HSPG2: variants seen among roughly 807,000 people sequenced by gnomAD.
HSPG2 encodes the protein basement membrane-specific heparan sulfate proteoglycan core protein.
A neutral mutation model predicts 526.6 loss-of-function variants in HSPG2; 278 were observed. That is an observed-to-expected ratio of 0.53 (90% CI 0.48 to 0.58). HSPG2 has a LOEUF of 0.58. HSPG2 is among the 20% of genes least tolerant of loss of function. The pLI is 0.00. For missense variants in HSPG2, 5,354 were observed against 6,099.5 expected, an observed-to-expected ratio of 0.88 and a Z score of 4.07; for synonymous variants, 2,465 against 2,555.4, an observed-to-expected ratio of 0.96 and a Z score of 1.07.
At chr1:21,840,976 T>C in intron 71 of HSPG2, 125 bp downstream of exon 71, 1 of 819,386 alleles carries the variant, frequency 1.2e-6, no homozygotes, top group Non-Finnish European at 2.0e-6. Context: ...TCCCATCCCA[T>C]TCCTCCCTTC....
chr1:21,934,150 A>C (rs1056182748), intron 1 of HSPG2, among the ~76,000 whole-genome samples: 4 of 152,212 alleles, frequency 2.6e-5, no homozygotes, highest in African/African-American at 9.6e-5. Flanking sequence ...ACTTAATCAC[A>C]GATCAGCTTC....
chr1:21,835,753 G>A (rs1487055568), intron 75 of HSPG2, 116 bp from the exon 76 acceptor site: 1 of 728,668 alleles, frequency 1.4e-6, no homozygotes, highest in Non-Finnish European at 2.4e-6. Flanking sequence ...GGAGGCTGAG[G>A]CAGGCGCATC....
Position 21,856,984 on chromosome 1 carries a change from G to T in HSPG2, c.5575+31C>A, listed in dbSNP as rs12757277. On this transcript the variant is annotated intron_variant, in intron 44 of 96. Transcript: ENST00000374695. Reference sequence around the variant, plus strand: ...TGGTGGGAATGGGGGAGAGACAGGAGGGGAGAATCAGGTATAGATGGGAGG... The same window carrying T: ...TGGTGGGAATGGGGGAGAGACAGGATGGGAGAATCAGGTATAGATGGGAGG... 0.059 allele frequency: 94,912 copies of T among 1,606,056 alleles called. 3,229 individuals are homozygous for T. Among genetic ancestry groups the T allele is most frequent in the South Asian group, 0.11 (9,970 of 90,892 alleles).
At position 21,855,957 on chromosome 1, in the gene HSPG2, C is replaced by T. The variant is rs567282533; in HGVS notation, c.5576-45G>A. On this transcript the variant is annotated intron_variant, in intron 44 of 96. Transcript: ENST00000374695. ...AACATGCACTCAGGGTGGGGAGTGT[C>T]GTCTGACTCACACAACAGTCCTGCT... The T allele has an allele frequency of 1.2e-5, 19 of 1,598,884 alleles. No individual in the cohort carries two copies. In the Admixed American group the frequency reaches 1.3e-4, roughly 11 times the overall value.
rs747853683 is a variant in HSPG2 at position 21,885,152 on chromosome 1, G to A, written c.1216C>T (p.Pro406Ser). Residue 406 changes from proline to serine, a missense_variant, in exon 11 of 97, where the codon CCC becomes TCC. By Grantham distance (74) the Pro-to-Ser change is moderately conservative. Coordinates refer to ENST00000374695, the MANE Select transcript of HSPG2 (RefSeq NM_005529.7). ...DRSDEFGCMP[P>S]QVVTPPRESI... is the part of the protein sequence containing the mutation. ...TCCCGGGGAGGTGTCACCACCTGGGGGGGCACTGAGGAGACCAGGGCAGGA... is the reference window on the plus strand; with the variant it reads ...TCCCGGGGAGGTGTCACCACCTGGGAGGGCACTGAGGAGACCAGGGCAGGA... 51 of 1,607,842 alleles carry A rather than the reference G, an allele frequency of 3.2e-5. No individual in the cohort carries two copies. The East Asian group carries it at 1.1e-3, about 35-fold the overall frequency.
At position 21,881,381 on chromosome 1, in the gene HSPG2, G is replaced by A. The variant is rs62642536; in HGVS notation, c.1776C>T (p.His592=). The change falls in exon 14 of 97, where the codon CAC becomes CAT. Residue 592 remains histidine (H), a synonymous_variant. Transcript: ENST00000374695. Reference sequence around the variant, plus strand: ...GTTCAGGCAGAGCCCAGAAGGAGTCGTGGACGAGGAAGCGGCGGGACAGGT... The same window carrying A: ...GTTCAGGCAGAGCCCAGAAGGAGTCATGGACGAGGAAGCGGCGGGACAGGT... ...LVDLSRRFLV[H]DSFWALPEQF... 3.6e-3 allele frequency: 5,800 copies of A among 1,614,188 alleles called. 205 individuals carry two copies. In the African/African-American group the frequency reaches 0.067, roughly 19 times the overall value.
In HSPG2 at chr1:21,879,083, C is replaced by T. The variant is rs752242555; in HGVS notation, c.2382G>A (p.Lys794=). Residue 794 remains lysine (K), a synonymous_variant, in exon 18 of 97, where the codon AAG becomes AAA. Coordinates refer to ENST00000374695, the MANE Select transcript of HSPG2 (RefSeq NM_005529.7). The stretch of plus-strand genomic sequence containing the variant: ...CGTCCCCAAAGAAGCCAGCCTTGCA[C>T]TTGTTGCACTGTGGCCCCTCCGTGT... ...QHNTEGPQCN[K]CKAGFFGDAM... 2.5e-6 allele frequency: 4 copies of T among 1,614,134 alleles called. No individual in the cohort carries two copies. The Admixed American group carries it at 5.0e-5, about 20-fold the overall frequency.
chr1:21,842,282 G>A lies in HSPG2; in HGVS notation c.9009C>T (p.Ala3003=), dbSNP rs755427958. ...TGGGCGGGACGGTGACTGTGAAGGAGGCTTCTTGCTCAGGGCCTGGGCCGC... is the reference window on the plus strand; with the variant it reads ...TGGGCGGGACGGTGACTGTGAAGGAAGCTTCTTGCTCAGGGCCTGGGCCGC... ...AASGPGPEQE[A]SFTVTVPPSE... Residue 3003 remains alanine, a synonymous_variant, in exon 68 of 97, where the codon GCC becomes GCT. Transcript: ENST00000374695. 6.2e-7 allele frequency: 1 copy of A among 1,613,562 alleles called. No individual in the cohort carries two copies.
chr1:21,836,710 G>T, intron 75 of HSPG2, 92 bp downstream of exon 75: 1 of 1,105,988 alleles, frequency 9.0e-7, no homozygotes, highest in Non-Finnish European at 1.3e-6. Flanking sequence ...AGTGCTTCAT[G>T]TTGCGCCCCC....
intron 50 of HSPG2, 114 bp downstream of exon 50, chr1:21,854,079 G>A (rs1399313958): frequency 4.2e-6 from 5 of 1,201,134 alleles, no homozygotes; most frequent in Middle Eastern, 2.0e-4. Context: ...GGCGCTGAAG[G>A]GTCAAAGCCT....
In HSPG2 at chr1:21,848,040, C is replaced by G. The variant is rs1638590344; in HGVS notation, c.7791G>C (p.Glu2597Asp). Reference protein sequence around the residue: ...IPQVTPADSGEYVCHVSNGAG... With the variant: ...IPQVTPADSGDYVCHVSNGAG... Reference sequence around the variant, plus strand: ...CACCGTTACTGACGTGACACACGTACTCGCCCGAGTCTGCCGGAGTCACCT... The same window carrying G: ...CACCGTTACTGACGTGACACACGTAGTCGCCCGAGTCTGCCGGAGTCACCT... Residue 2597 changes from glutamate (E) to aspartate (D), a missense_variant, in exon 60 of 97, where the codon GAG becomes GAC. Coordinates refer to ENST00000374695, the MANE Select transcript of HSPG2 (RefSeq NM_005529.7). The surrounding 1 kb of genome is among the most constrained non-coding windows in gnomAD (Gnocchi z 4.9). 1 of 1,613,440 alleles carries G rather than the reference C, an allele frequency of 6.2e-7. No homozygotes were observed. Among genetic ancestry groups the G allele is most frequent in the Non-Finnish European group, 8.5e-7 (1 of 1,179,976 alleles).
rs62642506 is a variant in HSPG2, at chr1:21,839,991, C to T, written c.9540G>A (p.Ala3180=). 2,890 of 1,614,170 alleles carry T rather than the reference C, an allele frequency of 1.8e-3. 34 individuals are homozygous for T. In the African/African-American group the frequency reaches 0.031, roughly 18 times the overall value. ...LQISSAKPSD[A]GTYVCLAQNA... ...TCTGAGCAAGGCACACATAAGTGCC[C>T]GCATCTGATGGTTTAGCTGATGAAA... Residue 3180 remains alanine, a synonymous_variant, in exon 72 of 97, where the codon GCG becomes GCA. Transcript: ENST00000374695. The surrounding 1 kb of genome is among the most constrained non-coding windows in gnomAD (Gnocchi z 4.5).
rs1003271520 is a variant in HSPG2 at position 21,917,473 on chromosome 1, A to G, written c.63+19682T>C. On this transcript the variant is annotated intron_variant, in intron 1 of 96. Transcript: ENST00000374695. ...AATAAATAAATAAATAAATAAATAA[A>G]TAAATAAATAAAAATAAAAGACAGG... Among the ~76,000 whole-genome samples the G allele has an allele frequency of 3.6e-5, 5 of 139,874 alleles. No homozygotes were observed. The South Asian group carries it at 6.7e-4, about 19-fold the overall frequency. The allele number at this position is 139,874 out of a possible 152,430, so 91.8% of individuals were successfully genotyped here.
intron 65 of HSPG2, among the ~76,000 whole-genome samples, chr1:21,843,663 T>C (rs978058307): frequency 6.6e-6 from 1 of 152,178 alleles, no homozygotes; most frequent in African/African-American, 2.4e-5. Context: ...TCTTTTTTTT[T>C]TGAGACAGTG....
intron 1 of HSPG2, among the ~76,000 whole-genome samples, chr1:21,922,772 G>A (rs1411150411): frequency 2.0e-5 from 3 of 152,170 alleles, no homozygotes; most frequent in African/African-American, 7.2e-5. Context: ...AATTGCTCAG[G>A]TGAAACCAGA....
At chr1:21,869,475 T>C (rs973539506) in intron 33 of HSPG2, 34 of 986,420 alleles carry the variant, frequency 3.4e-5, no homozygotes, top group Non-Finnish European at 3.9e-5. Flanking sequence ...CCTGAGAGCC[T>C]GGTGAGAAAG....
intron 74 of HSPG2, among the ~76,000 whole-genome samples, chr1:21,837,540 C>T (rs1334193904): frequency 1.3e-5 from 2 of 151,856 alleles, no homozygotes; most frequent in East Asian, 1.9e-4. Context: ...CTGCCTGCCT[C>T]GGCCTCCCAA....
chr1:21,861,810 G>A lies in HSPG2; in HGVS notation c.4902C>T (p.Gly1634=), dbSNP rs1050338548. 10 of 1,613,594 alleles carry A rather than the reference G, an allele frequency of 6.2e-6. No individual in the cohort carries two copies. The highest frequency in any genetic ancestry group is 2.7e-5 in the African/African-American group (2 of 74,924). The change falls in exon 39 of 97, where the codon GGC becomes GGT. Residue 1634 remains glycine (G), a synonymous_variant. Coordinates refer to ENST00000374695, the MANE Select transcript of HSPG2 (RefSeq NM_005529.7). Reference sequence around the variant, plus strand: ...GTTCGCAGGCCGTGCAGCGGTACCCGCCGGCTCCCAGGCTCTCACAGGTGC... The same window carrying A: ...GTTCGCAGGCCGTGCAGCGGTACCCACCGGCTCCCAGGCTCTCACAGGTGC... ...FSRTCESLGA[G]GYRCTACEPG...
chr1:21,822,278 A>T lies in HSPG2; in HGVS notation c.*1038T>A. 1 of 1,551,400 alleles carries T rather than the reference A, an allele frequency of 6.4e-7. No homozygotes were observed. Among genetic ancestry groups the T allele is most frequent in the Non-Finnish European group, 8.9e-7 (1 of 1,123,532 alleles). On this transcript the variant is annotated 3_prime_UTR_variant, in exon 97 of 97. Transcript: ENST00000374695. ...TAGCACCGTTTATTAAGAAAAATCA[A>T]GACAAAGACCACAGGAGGGTCCCTT...
Sources: allele counts gnomAD v4.1 joint callset (sites outside exome capture counted in the v4.1 genomes callset), GRCh38; gene constraint gnomAD v4.1.1; non-coding constraint Gnocchi (gnomAD v3.1); transcripts MANE v1.5; gene names NCBI Gene and HGNC (gene_info 2026-07-23, HGNC 2026-07-21).